The following NR2C2AP variants were observed in gnomAD, a reference collection of about 807,000 sequenced individuals.
NR2C2AP encodes the protein nuclear receptor 2C2 associated protein, also known as nuclear receptor 2C2-associated protein.
NR2C2AP carries 13 observed loss-of-function variants against 19.1 expected under a neutral mutation model. The observed-to-expected ratio is 0.68, with a 90% CI of 0.44 to 1.08. NR2C2AP has a LOEUF of 1.08. NR2C2AP is among the 50% of genes least tolerant of loss of function. NR2C2AP has a pLI of 0.00. For synonymous variants in NR2C2AP, 81 were observed against 64.4 expected (o/e 1.26, Z -1.23); for missense variants, 181 against 172.7 (o/e 1.05, Z -0.27).
rs371983043 is a variant in NR2C2AP, at chr19:19,203,159, G to A, written c.-99C>T. The stretch of plus-strand genomic sequence containing the variant: ...TACAGGGCGGCGCGATCTTGGCTAC[G>A]CCTTGGCCTGAACGTCCTCACCTGT... On this transcript the variant is annotated 5_prime_UTR_variant, in exon 1 of 5. Transcript: ENST00000331552. The A allele has an allele frequency of 7.5e-5, 96 of 1,276,132 alleles. No individual in the cohort carries two copies. Among genetic ancestry groups the A allele is most frequent in the East Asian group, 2.2e-4 (9 of 40,226 alleles). 79.1% of individuals were successfully genotyped at this position (1,276,132 alleles called of 1,614,324 possible).
Position 19,202,469 on chromosome 19 carries a change from C to T in NR2C2AP, c.235+1G>A. ...CCCTGCCACCCAGGGCCTTCTAGTA[C>T]CTTCCAGGCAGCCCCGGCGACTGGA... is the stretch of plus-strand genomic sequence containing the variant. On this transcript the variant is annotated splice_donor_variant, in intron 3 of 4. Transcript: ENST00000331552. LOFTEE classifies it high-confidence loss of function. 1.2e-6 allele frequency: 2 copies of T among 1,613,746 alleles called. No individual in the cohort carries two copies. The highest frequency in any genetic ancestry group is 2.2e-5 in the East Asian group (1 of 44,876).
At chr19:19,202,686 A>C in intron 2 of NR2C2AP, 105 bp downstream of exon 2, 2 of 1,397,046 alleles carry the variant, frequency 1.4e-6, no homozygotes, top group South Asian at 2.3e-5. Context: ...GAAATTCGGC[A>C]CATGTTCCTT....
chr19:19,202,861 C>G lies in NR2C2AP; in HGVS notation c.59G>C (p.Arg20Pro). The stretch of plus-strand genomic sequence containing the variant: ...TTTTTTTCCAAACTGCCGAGTGTTG[C>G]GATTCAGCACTGAACTCACCCTGGA... ...TVSRVSSVLN[R>P]NTRQFGKKHL... The change falls in exon 2 of 5, where the codon CGC becomes CCC. Residue 20 changes from arginine (R) to proline (P), a missense_variant. By Grantham distance (103) the Arg-to-Pro change is moderately radical. Transcript: ENST00000331552. 2.5e-6 allele frequency: 4 copies of G among 1,613,588 alleles called. No individual in the cohort carries two copies. The highest frequency in any genetic ancestry group is 1.1e-5 in the South Asian group (1 of 91,076).
In NR2C2AP at chr19:19,202,485, G is replaced by A. The variant is rs147207744; in HGVS notation, c.220C>T (p.Arg74Trp). 1.5e-5 allele frequency: 24 copies of A among 1,613,938 alleles called. No individual in the cohort carries two copies. Among genetic ancestry groups the A allele is most frequent in the Middle Eastern group, 1.6e-4 (1 of 6,084 alleles). Residue 74 changes from arginine to tryptophan, a missense_variant, in exon 3 of 5, where the codon CGG (arginine) becomes TGG (tryptophan). Transcript: ENST00000331552. ...CTTCTAGTACCTTCCAGGCAGCCCC[G>A]GCGACTGGAGAAGCCACCCTGAAAC... ...IQFQGGFSSR[R>W]GCLEGSQGTQ...
At position 19,201,712 on chromosome 19, in the gene NR2C2AP, C is replaced by A. The variant is rs2060722349; in HGVS notation, c.*213G>T. Reference sequence around the variant, plus strand: ...CAGAGCAACCTGGTGCCCGCTGACCCTGAGTGAAGGCCGCCTGCCGGGGAC... The same window carrying A: ...CAGAGCAACCTGGTGCCCGCTGACCATGAGTGAAGGCCGCCTGCCGGGGAC... On this transcript the variant is annotated 3_prime_UTR_variant, in exon 5 of 5. Transcript: ENST00000331552. 6.2e-7 allele frequency: 1 copy of A among 1,613,974 alleles called. No homozygotes were observed. The highest frequency in any genetic ancestry group is 8.5e-7 in the Non-Finnish European group (1 of 1,180,022).
chr19:19,201,931 C>T lies in NR2C2AP; in HGVS notation c.414G>A (p.Lys138=). 6.2e-7 allele frequency: 1 copy of T among 1,614,164 alleles called. No homozygotes were observed. The highest frequency in any genetic ancestry group is 1.3e-5 in the African/African-American group (1 of 75,052). Residue 138 remains lysine, a synonymous_variant, in exon 5 of 5, where the codon AAG becomes AAA. Transcript: ENST00000331552. ...VIYHLRVLGE[K]V is the part of the protein sequence containing the mutation. Reference sequence around the variant, plus strand: ...GAGACAGCCCCTAGAGGTCTCACACCTTCTCCCCAAGCACCCGCAGGTGGT... The same window carrying T: ...GAGACAGCCCCTAGAGGTCTCACACTTTCTCCCCAAGCACCCGCAGGTGGT...
rs776292655 is a variant in NR2C2AP, at chr19:19,203,299, G to A, written c.-239C>T. The A allele has an allele frequency of 7.0e-5, 41 of 586,462 alleles. No individual in the cohort carries two copies. Among genetic ancestry groups the A allele is most frequent in the Non-Finnish European group, 7.3e-5 (24 of 328,030 alleles). 36.3% of individuals were successfully genotyped at this position (586,462 alleles called of 1,614,324 possible). On this transcript the variant is annotated 5_prime_UTR_variant, in exon 1 of 5. Transcript: ENST00000331552. ...ATCAGGGAAACCGCCAATGCCCGGA[G>A]GCCAGGCCTTTCACAGGAAACAGAT...
rs907457323 is a variant in NR2C2AP, at chr19:19,201,619, A to G, written c.*306T>C. The stretch of plus-strand genomic sequence containing the variant: ...TCCACCCCACTCCCGATTCAAGCTC[A>G]CAGCCCACCTTTTCCCTGCCCCATC... On this transcript the variant is annotated 3_prime_UTR_variant, in exon 5 of 5. Coordinates refer to ENST00000331552, the MANE Select transcript of NR2C2AP (RefSeq NM_176880.6). The G allele has an allele frequency of 2.5e-6, 4 of 1,613,794 alleles. No individual in the cohort carries two copies. The highest frequency in any genetic ancestry group is 1.7e-5 in the Admixed American group (1 of 60,002).
Position 19,202,912 on chromosome 19 carries a change from G to C in NR2C2AP, c.39-31C>G, listed in dbSNP as rs1410836202. The C allele has an allele frequency of 3.7e-6, 6 of 1,610,082 alleles. No homozygotes were observed. In the East Asian group the frequency reaches 1.3e-4, roughly 36 times the overall value. ...GGCACCAGGATCAAGGCGAAGAGAG[G>C]GGCTGAGACCAGCTCTCAGCTCCGC... On this transcript the variant is annotated intron_variant, in intron 1 of 4. Transcript: ENST00000331552.
rs1473427937 is a variant in NR2C2AP at position 19,201,993 on chromosome 19, C to G, written c.352G>C (p.Glu118Gln). 4 of 1,614,078 alleles carry G rather than the reference C, an allele frequency of 2.5e-6. No homozygotes were observed. The highest frequency in any genetic ancestry group is 3.3e-5 in the Admixed American group (2 of 59,998). The change falls in exon 5 of 5, where the codon GAG (glutamate) becomes CAG (glutamine). Residue 118 changes from glutamate to glutamine, a missense_variant. Coordinates refer to ENST00000331552, the MANE Select transcript of NR2C2AP (RefSeq NM_176880.6). ...AEVDRLKVTF[E>Q]DATDFFGRVV... ...CGGCCAAAAAAGTCAGTGGCATCCTCAAACGTCACCTTCAGCCGGTCCACT... is the reference window on the plus strand; with the variant it reads ...CGGCCAAAAAAGTCAGTGGCATCCTGAAACGTCACCTTCAGCCGGTCCACT...
At chr19:19,202,444 C>G in intron 3 of NR2C2AP, 26 bp downstream of exon 3, 2 of 1,613,148 alleles carry the variant, frequency 1.2e-6, no homozygotes, top group Non-Finnish European at 1.7e-6. Context: ...CCCCTGGAAC[C>G]CCTGCCACCC....
Position 19,203,247 on chromosome 19 carries a change from C to A in NR2C2AP, c.-187G>T, listed in dbSNP as rs181748880. On this transcript the variant is annotated 5_prime_UTR_variant, in exon 1 of 5. Coordinates refer to ENST00000331552, the MANE Select transcript of NR2C2AP (RefSeq NM_176880.6). ...AGTCCTAAATGTCGCCTCGATCAAT[C>A]CCCTGCCGGAAAATTTGGGAGAGAG... 77 of 639,406 alleles carry A rather than the reference C, an allele frequency of 1.2e-4. No homozygotes were observed. In the East Asian group the frequency reaches 2.1e-3, roughly 17 times the overall value. The allele number at this position is 639,406 out of a possible 1,614,324, so 39.6% of individuals were successfully genotyped here.
intron 2 of NR2C2AP, 83 bp from the exon 3 acceptor site, chr19:19,202,658 G>A (rs2060738257): frequency 7.1e-7 from 1 of 1,400,838 alleles, no homozygotes; most frequent in South Asian, 1.2e-5. Flanking sequence ...CATAGTTCTT[G>A]GAATGGAGGG....
Position 19,203,317 on chromosome 19 carries a change from A to G in NR2C2AP, c.-257T>C. 1 of 567,740 alleles carries G rather than the reference A, an allele frequency of 1.8e-6. No individual in the cohort carries two copies. Among genetic ancestry groups the G allele is most frequent in the Non-Finnish European group, 3.2e-6 (1 of 316,434 alleles). 35.2% of individuals were successfully genotyped at this position (567,740 alleles called of 1,614,324 possible). A position where few individuals can be genotyped will look rare whatever the true frequency, so the allele number is the denominator to read the frequency against. ...GCCCGGAGGCCAGGCCTTTCACAGGAAACAGATTTCCCGCGGGTTTCGGGG... is the reference window on the plus strand; with the variant it reads ...GCCCGGAGGCCAGGCCTTTCACAGGGAACAGATTTCCCGCGGGTTTCGGGG... On this transcript the variant is annotated 5_prime_UTR_variant, in exon 1 of 5. Coordinates refer to ENST00000331552, the MANE Select transcript of NR2C2AP (RefSeq NM_176880.6).
intron 2 of NR2C2AP, 96 bp downstream of exon 2, chr19:19,202,695 T>G: frequency 7.0e-7 from 1 of 1,422,724 alleles, no homozygotes; most frequent in South Asian, 1.2e-5. Context: ...CACATGTTCC[T>G]TTCCTGGCCA....
At chr19:19,202,749 C>T (rs767763439) in intron 2 of NR2C2AP, 42 bp downstream of exon 2, 4 of 1,571,850 alleles carry the variant, frequency 2.5e-6, no homozygotes, top group East Asian at 2.2e-5. Context: ...AGATCTGAAT[C>T]TGAATCACCC....
At chr19:19,202,235 G>T in intron 4 of NR2C2AP, 96 bp downstream of exon 4, 1 of 1,309,890 alleles carries the variant, frequency 7.6e-7, no homozygotes, top group Non-Finnish European at 1.1e-6. Context: ...GAGGTCACGT[G>T]TTCAAGATCA....
chr19:19,202,631 T>C, intron 2 of NR2C2AP, 56 bp from the exon 3 acceptor site: 1 of 1,475,032 alleles, frequency 6.8e-7, no homozygotes, highest in South Asian at 1.1e-5. Flanking sequence ...AGAGCCCTGC[T>C]ATGCCTGTCT....
intron 2 of NR2C2AP, 34 bp from the exon 3 acceptor site, chr19:19,202,609 C>T (rs769121481): frequency 1.3e-6 from 2 of 1,559,206 alleles, no homozygotes; most frequent in Non-Finnish European, 1.8e-6. Context: ...GGCGCAAGCT[C>T]ACTGCAGGCA....
Sources: allele counts gnomAD v4.1 joint callset, GRCh38; gene constraint gnomAD v4.1.1; transcripts MANE v1.5; gene names NCBI Gene and HGNC (gene_info 2026-07-23, HGNC 2026-07-21).